Variants in BRIP1 observed in about 807,000 individuals in gnomAD.
BRIP1 encodes Fanconi anemia group J protein.
Under a neutral mutation model 119.7 loss-of-function variants are expected in BRIP1, and 88 were observed. The observed-to-expected ratio is 0.74, with a 90% CI of 0.62 to 0.88. The LOEUF is 0.88. BRIP1 is among the 40% of genes least tolerant of loss of function. BRIP1 has a pLI of 0.00. For missense variants in BRIP1, 1,259 were observed against 1,455.4 expected, an observed-to-expected ratio of 0.87 and a Z score of 2.20; for synonymous variants, 443 against 496.5, an observed-to-expected ratio of 0.89 and a Z score of 1.43.
Position 61,808,080 on chromosome 17 carries a change from T to G in BRIP1, c.918+387A>C, listed in dbSNP as rs1376114425. 2.6e-5 allele frequency among the ~76,000 whole-genome samples: 4 copies of G among 152,184 alleles called. No homozygotes were observed. Among genetic ancestry groups the G allele is most frequent in the African/African-American group, 9.6e-5 (4 of 41,460 alleles). ...GCCCAGACAGCCTAAATAAACTATC[T>G]GCTTTTGAAGTTTTTAAGTATATAA... On this transcript the variant is annotated intron_variant, in intron 7 of 19. Coordinates refer to ENST00000259008, the MANE Select transcript of BRIP1 (RefSeq NM_032043.3). This position sits in a 1 kb window ranked among gnomAD's most constrained non-coding sequence, Gnocchi z 4.1.
At chr17:61,711,352 G>A (rs143404654) in intron 17 of BRIP1, among the ~76,000 whole-genome samples, 5 of 152,002 alleles carry the variant, frequency 3.3e-5, no homozygotes, top group African/African-American at 4.8e-5. Flanking sequence ...ATATTCAAGC[G>A]CCCCTAGAAA....
Position 61,743,071 on chromosome 17 carries a change from T to C in BRIP1, c.2321A>G (p.Asp774Gly), listed in dbSNP as rs992780498. 2 of 1,613,978 alleles carry C rather than the reference T, an allele frequency of 1.2e-6. No individual in the cohort carries two copies. Among genetic ancestry groups the C allele is most frequent in the Admixed American group, 1.7e-5 (1 of 60,010 alleles). ...TATTGTTATGACAGCACGGGCATTG[T>C]CATCTGAGAAATCCAGACCCTCACT... ...KVSEGLDFSD[D>G]NARAVITIGI... is the part of the protein sequence containing the mutation. Residue 774 changes from aspartate to glycine, a missense_variant, in exon 16 of 20, where the codon GAC (aspartate) becomes GGC (glycine). Asp to Gly is a moderately conservative substitution (Grantham distance 94). Around this residue, in one of 3 missense-constraint regions of BRIP1, gnomAD observed 753 missense variants for 891.8 expected, o/e 0.84. Transcript: ENST00000259008. The surrounding 1 kb of genome is among the most constrained non-coding windows in gnomAD (Gnocchi z 4.3).
rs780972449 is a variant in BRIP1 at position 61,710,658 on chromosome 17, G to A, written c.2492+5293C>T. Among the ~76,000 whole-genome samples the A allele has an allele frequency of 7.9e-5, 12 of 152,084 alleles. No individual in the cohort carries two copies. The highest frequency in any genetic ancestry group is 6.6e-4 in the Admixed American group (10 of 15,258). On this transcript the variant is annotated intron_variant, in intron 17 of 19. Transcript: ENST00000259008. The surrounding 1 kb of genome is among the most constrained non-coding windows in gnomAD (Gnocchi z 5.4). ...ACTTATGTTTAATAGTGAAAAATTC[G>A]GTGGCTAGAGGTAGAGGATAAGGAT...
chr17:61,812,052 A>G (rs2078170608), intron 6 of BRIP1, among the ~76,000 whole-genome samples: 1 of 152,178 alleles, frequency 6.6e-6, no homozygotes, highest in Non-Finnish European at 1.5e-5. Flanking sequence ...CACTTATAAC[A>G]AAAGATAATT....
rs1247888339 is a variant in BRIP1, at chr17:61,808,307, T to C, written c.918+160A>G. 6.6e-6 allele frequency among the ~76,000 whole-genome samples: 1 copy of C among 152,184 alleles called. No homozygotes were observed. The highest frequency in any genetic ancestry group is 1.5e-5 in the Non-Finnish European group (1 of 68,018). On this transcript the variant is annotated intron_variant, in intron 7 of 19. Transcript: ENST00000259008. The surrounding 1 kb of genome is among the most constrained non-coding windows in gnomAD (Gnocchi z 4.1). The stretch of plus-strand genomic sequence containing the variant: ...CCATACTTTAAAACTTGACTAAAGA[T>C]TTTATTACAGGAAAATTGTTTTTTA...
chr17:61,853,427 T>C lies in BRIP1; in HGVS notation c.379+3631A>G, dbSNP rs1198655695. ...TATGTAGTAGTTATGACAGTGAAAA[T>C]TCATCAAGTTATATACTTAGGATTT... On this transcript the variant is annotated intron_variant, in intron 4 of 19. Coordinates refer to ENST00000259008, the MANE Select transcript of BRIP1 (RefSeq NM_032043.3). The surrounding 1 kb of genome is among the most constrained non-coding windows in gnomAD (Gnocchi z 4.3). Among the ~76,000 whole-genome samples, 2 of 152,038 alleles carry C rather than the reference T, an allele frequency of 1.3e-5. No individual in the cohort carries two copies.
chr17:61,810,160 C>T lies in BRIP1; in HGVS notation c.628-1403G>A, dbSNP rs1314525946. Among the ~76,000 whole-genome samples, 1 of 152,320 alleles carries T rather than the reference C, an allele frequency of 6.6e-6. No homozygotes were observed. The highest frequency in any genetic ancestry group is 1.9e-4 in the East Asian group (1 of 5,190). Reference sequence around the variant, plus strand: ...TTGCCAGTAACAGCAGATTTCATTACAGAGTGCTGCCACATTAAATAGCCA... The same window carrying T: ...TTGCCAGTAACAGCAGATTTCATTATAGAGTGCTGCCACATTAAATAGCCA... On this transcript the variant is annotated intron_variant, in intron 6 of 19. Coordinates refer to ENST00000259008, the MANE Select transcript of BRIP1 (RefSeq NM_032043.3). This position sits in a 1 kb window ranked among gnomAD's most constrained non-coding sequence, Gnocchi z 4.7.
Position 61,713,114 on chromosome 17 carries a change from A to G in BRIP1, c.2492+2837T>C, listed in dbSNP as rs1340293055. On this transcript the variant is annotated intron_variant, in intron 17 of 19. Coordinates refer to ENST00000259008, the MANE Select transcript of BRIP1 (RefSeq NM_032043.3). This position sits in a 1 kb window ranked among gnomAD's most constrained non-coding sequence, Gnocchi z 4.9. ...CTAGTGATGTCACCATTGTAACATT[A>G]TAGCACAATGCATTACAAGTGCTTG... Among the ~76,000 whole-genome samples, 1 of 152,208 alleles carries G rather than the reference A, an allele frequency of 6.6e-6. No homozygotes were observed. The highest frequency in any genetic ancestry group is 1.5e-5 in the Non-Finnish European group (1 of 68,034).
In BRIP1 at chr17:61,848,826, G is replaced by A. The variant is rs1297840170; in HGVS notation, c.507+303C>T. Among the ~76,000 whole-genome samples the A allele has an allele frequency of 2.6e-5, 4 of 152,068 alleles. No homozygotes were observed. In the East Asian group the frequency reaches 5.8e-4, roughly 22 times the overall value. ...CTATTTTAAGATAAAAACAATGGAG[G>A]AGTTAAAAAGTACAAAGTAGTATAT... is the stretch of plus-strand genomic sequence containing the variant. On this transcript the variant is annotated intron_variant, in intron 5 of 19. Transcript: ENST00000259008. The surrounding 1 kb of genome is among the most constrained non-coding windows in gnomAD (Gnocchi z 4.3).
At position 61,724,166 on chromosome 17, in the gene BRIP1, A is replaced by G. The variant is rs1298316085; in HGVS notation, c.2380-8103T>C. 6.6e-6 allele frequency among the ~76,000 whole-genome samples: 1 copy of G among 152,118 alleles called. No individual in the cohort carries two copies. Among genetic ancestry groups the G allele is most frequent in the Non-Finnish European group, 1.5e-5 (1 of 68,010 alleles). ...TGACATAAGTAGAAATAAGATCCTC[A>G]ATATCAAAGGCATTGATAATTAAGA... On this transcript the variant is annotated intron_variant, in intron 16 of 19. Transcript: ENST00000259008. The surrounding 1 kb of genome is among the most constrained non-coding windows in gnomAD (Gnocchi z 5.1).
In BRIP1 at chr17:61,734,734, C is replaced by G. The variant is rs1471258531; in HGVS notation, c.2379+8279G>C. 2.0e-5 allele frequency among the ~76,000 whole-genome samples: 3 copies of G among 152,100 alleles called. No homozygotes were observed. The East Asian group carries it at 5.8e-4, about 29-fold the overall frequency. On this transcript the variant is annotated intron_variant, in intron 16 of 19. Coordinates refer to ENST00000259008, the MANE Select transcript of BRIP1 (RefSeq NM_032043.3). The surrounding 1 kb of genome is among the most constrained non-coding windows in gnomAD (Gnocchi z 5.2). ...TTTCCTTCTTCTCAAAAAGCCAAAC[C>G]CTGCTATTGAGACTGCAAAGTCTTA...
chr17:61,834,394 C>T lies in BRIP1; in HGVS notation c.627+12707G>A, dbSNP rs562176040. On this transcript the variant is annotated intron_variant, in intron 6 of 19. Transcript: ENST00000259008. This position sits in a 1 kb window ranked among gnomAD's most constrained non-coding sequence, Gnocchi z 4.4. Reference sequence around the variant, plus strand: ...GCCACCACGCTCGGCCCAATAATTACGATTTTTTTGAGAGCCTGGAGAAAA... The same window carrying T: ...GCCACCACGCTCGGCCCAATAATTATGATTTTTTTGAGAGCCTGGAGAAAA... Among the ~76,000 whole-genome samples, 2 of 152,028 alleles carry T rather than the reference C, an allele frequency of 1.3e-5. No homozygotes were observed. The highest frequency in any genetic ancestry group is 1.9e-4 in the East Asian group (1 of 5,168).
rs940566087 is a variant in BRIP1 at position 61,799,765 on chromosome 17, T to A, written c.1141-466A>T. Among the ~76,000 whole-genome samples, 5 of 152,042 alleles carry A rather than the reference T, an allele frequency of 3.3e-5. No individual in the cohort carries two copies. The highest frequency in any genetic ancestry group is 4.4e-5 in the Non-Finnish European group (3 of 67,990). On this transcript the variant is annotated intron_variant, in intron 8 of 19. Transcript: ENST00000259008. The surrounding 1 kb of genome is among the most constrained non-coding windows in gnomAD (Gnocchi z 5.1). Reference sequence around the variant, plus strand: ...TAAAAGTAAAATAACAATACAAGATTAAAATGACTCTTAAAATACTAACAT... The same window carrying A: ...TAAAAGTAAAATAACAATACAAGATAAAAATGACTCTTAAAATACTAACAT...
At chr17:61,694,282 A>C (rs1235978742) in intron 17 of BRIP1, among the ~76,000 whole-genome samples, 1 of 152,044 alleles carries the variant, frequency 6.6e-6, no homozygotes, top group Non-Finnish European at 1.5e-5. Flanking sequence ...GGCAACCACT[A>C]ATCTTTCTGT....
At chr17:61,820,640 C>T (rs1016724647) in intron 6 of BRIP1, among the ~76,000 whole-genome samples, 1 of 152,098 alleles carries the variant, frequency 6.6e-6, no homozygotes, top group African/African-American at 2.4e-5. Context: ...ATTTAAGTTG[C>T]CAACCCTGGT....
chr17:61,852,221 T>C lies in BRIP1; in HGVS notation c.380-2965A>G, dbSNP rs554253667. Among the ~76,000 whole-genome samples the C allele has an allele frequency of 2.0e-3, 306 of 152,246 alleles. 1 individual carries two copies. The highest frequency in any genetic ancestry group is 3.4e-3 in the Non-Finnish European group (230 of 67,996). Reference sequence around the variant, plus strand: ...AAATAAAAATCATATTATCATCACATACAAAAAGGCTTATCTTCCTGGTCT... The same window carrying C: ...AAATAAAAATCATATTATCATCACACACAAAAAGGCTTATCTTCCTGGTCT... On this transcript the variant is annotated intron_variant, in intron 4 of 19. Transcript: ENST00000259008. The surrounding 1 kb of genome is among the most constrained non-coding windows in gnomAD (Gnocchi z 4.9).
intron 16 of BRIP1, among the ~76,000 whole-genome samples, chr17:61,741,512 T>C (rs1481614859): frequency 1.3e-5 from 2 of 152,248 alleles, no homozygotes; most frequent in African/African-American, 4.8e-5. Context: ...TGAAATGTAC[T>C]TCTTAAGTAA....
At chr17:61,702,821 C>T (rs2061634280) in intron 17 of BRIP1, among the ~76,000 whole-genome samples, 1 of 150,086 alleles carries the variant, frequency 6.7e-6, no homozygotes, top group Non-Finnish European at 1.5e-5. Flanking sequence ...GGGTATACAC[C>T]CAATAATGGA....
Position 61,690,810 on chromosome 17 carries a change from A to T in BRIP1, c.2575+2620T>A, listed in dbSNP as rs1469189012. ...GGAAAACCCTAAAGATTGAAAAAAAACCTGTTAGGACTAATAAATCCAGTA... is the reference window on the plus strand; with the variant it reads ...GGAAAACCCTAAAGATTGAAAAAAATCCTGTTAGGACTAATAAATCCAGTA... On this transcript the variant is annotated intron_variant, in intron 18 of 19. Coordinates refer to ENST00000259008, the MANE Select transcript of BRIP1 (RefSeq NM_032043.3). This position sits in a 1 kb window ranked among gnomAD's most constrained non-coding sequence, Gnocchi z 5.6. 6.6e-6 allele frequency among the ~76,000 whole-genome samples: 1 copy of T among 152,192 alleles called. No homozygotes were observed. The highest frequency in any genetic ancestry group is 1.9e-4 in the East Asian group (1 of 5,200).
Sources: gnomAD v4.1 joint callset for allele counts (sites outside exome capture counted in the v4.1 genomes callset) on GRCh38, gnomAD v4.1.1 for gene constraint, gnomAD v4.1.1 regional missense constraint, Gnocchi (gnomAD v3.1) non-coding constraint, MANE v1.5 for transcripts, NCBI Gene and HGNC (gene_info 2026-07-23, HGNC 2026-07-21) for gene names.